LPP: variants seen among roughly 807,000 people sequenced by gnomAD.
LPP encodes LIM domain containing preferred translocation partner in lipoma.
Under a neutral mutation model 60.4 loss-of-function variants are expected in LPP, and 38 were observed. That is an observed-to-expected ratio of 0.63 (90% CI 0.49 to 0.83). The LOEUF is 0.83. Among genes scored for constraint, LPP ranks in the 40% least tolerant of loss-of-function variants. The pLI, the probability that LPP is intolerant of heterozygous loss-of-function variation, is 0.00. For synonymous variants in LPP, 328 were observed against 290.8 expected, an observed-to-expected ratio of 1.13 and a Z score of -1.30; for missense variants, 902 against 783.6, an observed-to-expected ratio of 1.15 and a Z score of -1.80.
chr3:188,551,949 C>T (rs1343009285), intron 6 of LPP, among the ~76,000 whole-genome samples: 1 of 151,994 alleles, frequency 6.6e-6, no homozygotes, highest in Non-Finnish European at 1.5e-5. Flanking sequence ...ATCTTGGAGG[C>T]CCTTGTAAGT....
At chr3:188,296,782 C>T (rs1748043420) in intron 2 of LPP, among the ~76,000 whole-genome samples, 1 of 152,194 alleles carries the variant, frequency 6.6e-6, no homozygotes. Flanking sequence ...GTGCATAAAG[C>T]TCCCAACCAT....
intron 1 of LPP, among the ~76,000 whole-genome samples, chr3:188,155,057 A>G (rs1303507552): frequency 1.3e-5 from 2 of 152,140 alleles, no homozygotes; most frequent in Admixed American, 6.5e-5. Flanking sequence ...AGTGTGGGAA[A>G]TGGAGATGAA....
intron 5 of LPP, among the ~76,000 whole-genome samples, chr3:188,497,060 A>G (rs936127583): frequency 1.3e-5 from 2 of 151,956 alleles, no homozygotes; most frequent in Admixed American, 6.6e-5. Context: ...GAGCATTCAT[A>G]TTATAAGAAA....
intron 3 of LPP, among the ~76,000 whole-genome samples, chr3:188,362,967 C>T (rs1167198704): frequency 6.6e-6 from 1 of 152,072 alleles, no homozygotes; most frequent in African/African-American, 2.4e-5. Context: ...TTCATTAGGG[C>T]TCAAATTTTG....
rs530962521 is a variant in LPP, at chr3:188,890,406, C to A, written c.*15927C>A. 5.0e-6 allele frequency: 1 copy of A among 201,664 alleles called. No homozygotes were observed. Among genetic ancestry groups the A allele is most frequent in the South Asian group, 1.9e-4 (1 of 5,252 alleles). The allele number at this position is 201,664 out of a possible 1,614,324, so 12.5% of individuals were successfully genotyped here. The stretch of plus-strand genomic sequence containing the variant: ...ACATTACAAACCATCACTGATGTAT[C>A]CAAAATAGCACACATAGTTCAGTAT... On this transcript the variant is annotated 3_prime_UTR_variant, in exon 12 of 12. Coordinates refer to ENST00000617246, the MANE Select transcript of LPP (RefSeq NM_001375462.1).
intron 7 of LPP, among the ~76,000 whole-genome samples, chr3:188,637,691 A>G (rs1396285101): frequency 1.5e-4 from 23 of 152,262 alleles, no homozygotes; most frequent in African/African-American, 4.8e-4. Context: ...TATCACCACC[A>G]ATCCCACAGA....
At chr3:188,613,264 ATATC>A (rs1411811781) in intron 7 of LPP, among the ~76,000 whole-genome samples, 9 of 125,546 alleles carry the variant, frequency 7.2e-5, no homozygotes, top group African/African-American at 3.0e-4. Flanking sequence ...ATCTATACCT[ATATC>A]TATATCTATA....
At chr3:188,592,557 G>GTTGTTTGTTTTTTT (rs1553936334) in intron 6 of LPP, among the ~76,000 whole-genome samples, 4 of 85,740 alleles carry the variant, frequency 4.7e-5, no homozygotes, top group African/African-American at 9.0e-5. Flanking sequence ...TTTTGTTTTT[G>GTTGTTTGTTTTTTT]TTTTTTAAAT....
chr3:188,869,168 G>A (rs1202471093), intron 10 of LPP, among the ~76,000 whole-genome samples: 1 of 152,222 alleles, frequency 6.6e-6, no homozygotes, highest in Non-Finnish European at 1.5e-5. Context: ...TCTGTGTTCA[G>A]GGAGATTTGC....
rs868063399 is a variant in LPP at position 188,755,776 on chromosome 3, C to G, written c.1241-4337C>G. On this transcript the variant is annotated intron_variant, in intron 8 of 11. Transcript: ENST00000617246. ...AGTGAACCATGATCGCACTACTGCC[C>G]TCCAGCCTGGGCAACAGAGTGAGAT... 9.1e-5 allele frequency among the ~76,000 whole-genome samples: 9 copies of G among 99,138 alleles called. No individual in the cohort carries two copies. The South Asian group carries it at 3.3e-3, about 37-fold the overall frequency. 65.0% of individuals were successfully genotyped at this position (99,138 alleles called of 152,430 possible).
intron 2 of LPP, among the ~76,000 whole-genome samples, chr3:188,337,963 C>T (rs1762111893): frequency 6.6e-6 from 1 of 152,212 alleles, no homozygotes; most frequent in South Asian, 2.1e-4. Flanking sequence ...TATATTTCTG[C>T]TCAGAATTCC....
intron 3 of LPP, among the ~76,000 whole-genome samples, chr3:188,345,487 C>T (rs2150721093): frequency 6.6e-6 from 1 of 152,102 alleles, no homozygotes; most frequent in East Asian, 1.9e-4. Flanking sequence ...GTTTCCTGCA[C>T]ATTGTTGGGG....
intron 2 of LPP, among the ~76,000 whole-genome samples, chr3:188,339,784 C>G (rs758379654): frequency 1.3e-5 from 2 of 152,184 alleles, no homozygotes; most frequent in Non-Finnish European, 1.5e-5. Flanking sequence ...ACACTCTTCA[C>G]AAAACTTCAC....
Position 188,609,582 on chromosome 3 carries a change from A to C in LPP, c.851A>C (p.Glu284Ala), listed in dbSNP as rs915078984. ...ATTCCACCACCAGGACTTCAGCCGG[A>C]GCCTGGGTATGGGTATGCCCCCAAC... ...AYIPPPGLQPEPGYGYAPNQG... is the reference protein window; with the variant it reads ...AYIPPPGLQPAPGYGYAPNQG... Residue 284 changes from glutamate (E) to alanine (A), a missense_variant, in exon 7 of 12, where the codon GAG (glutamate) becomes GCG (alanine). Physicochemically the swap from Glu to Ala is moderately radical, Grantham distance 107 (BLOSUM62 -1). Coordinates refer to ENST00000617246, the MANE Select transcript of LPP (RefSeq NM_001375462.1). The surrounding 1 kb of genome is among the most constrained non-coding windows in gnomAD (Gnocchi z 6.9). 6 of 1,614,052 alleles carry C rather than the reference A, an allele frequency of 3.7e-6. No homozygotes were observed. Among genetic ancestry groups the C allele is most frequent in the African/African-American group, 1.3e-5 (1 of 74,920 alleles).
chr3:188,632,429 T>C (rs1848003604), intron 7 of LPP, among the ~76,000 whole-genome samples: 1 of 152,214 alleles, frequency 6.6e-6, no homozygotes, highest in Non-Finnish European at 1.5e-5. Context: ...GGCATTCCAG[T>C]GTGCTGGTGC....
chr3:188,588,175 T>C (rs1837898830), intron 6 of LPP, among the ~76,000 whole-genome samples: 1 of 152,208 alleles, frequency 6.6e-6, no homozygotes, highest in Non-Finnish European at 1.5e-5. Flanking sequence ...AGGGCTTCAG[T>C]AAAATAACAT....
Position 188,882,557 on chromosome 3 carries a change from T to C in LPP, c.*8078T>C. 1.3e-5 allele frequency: 3 copies of C among 222,694 alleles called. No homozygotes were observed. The allele number at this position is 222,694 out of a possible 1,614,324, so 13.8% of individuals were successfully genotyped here. ...TTATCACAGAATATGAGCATTCTTA[T>C]TGATCCACAGCTACATCTTCTATTC... is the stretch of plus-strand genomic sequence containing the variant. On this transcript the variant is annotated 3_prime_UTR_variant, in exon 12 of 12. Coordinates refer to ENST00000617246, the MANE Select transcript of LPP (RefSeq NM_001375462.1).
intron 3 of LPP, among the ~76,000 whole-genome samples, chr3:188,361,530 T>TCCTCTCCTCTCCTCC (rs1177813290): frequency 1.8e-3 from 221 of 121,326 alleles, no homozygotes; most frequent in East Asian, 7.8e-3. Flanking sequence ...TCCTCTCCTC[T>TCCTCTCCTCTCCTCC]CCTCTCCTCT....
chr3:188,570,807 C>T (rs558927219), intron 6 of LPP, among the ~76,000 whole-genome samples: 38 of 151,624 alleles, frequency 2.5e-4, no homozygotes, highest in African/African-American at 8.2e-4. Flanking sequence ...GGTGAAAGCC[C>T]GCTAGAGATA....
Sources: allele counts gnomAD v4.1 joint callset (sites outside exome capture counted in the v4.1 genomes callset), GRCh38; gene constraint gnomAD v4.1.1; non-coding constraint Gnocchi (gnomAD v3.1); transcripts MANE v1.5; gene names NCBI Gene and HGNC (gene_info 2026-07-23, HGNC 2026-07-21).